Variants in SIAH3 observed in about 807,000 individuals in gnomAD.
SIAH3 encodes seven in absentia homolog 3.
In SIAH3, 9 loss-of-function variants were observed where a neutral mutation model predicts 12.6. That is an observed-to-expected ratio of 0.72 (90% CI 0.43 to 1.25). The LOEUF is 1.25. SIAH3 is among the 50% of genes most tolerant of loss of function. The pLI is 0.00. For synonymous variants in SIAH3, 154 were observed against 151.1 expected (o/e 1.02, Z -0.14); for missense variants, 390 against 365.4 (o/e 1.07, Z -0.55).
chr13:45,793,240 C>T (rs1404364202), intron 1 of SIAH3, among the ~76,000 whole-genome samples: 1 of 152,178 alleles, frequency 6.6e-6, no homozygotes, highest in Non-Finnish European at 1.5e-5. Flanking sequence ...ACTGCAGAAG[C>T]AGAGGTGTTA....
intron 1 of SIAH3, 127 bp from the exon 2 acceptor site, chr13:45,784,184 A>G (rs200755983): frequency 3.8e-5 from 32 of 836,526 alleles, no homozygotes; most frequent in Non-Finnish European, 5.7e-5. Context: ...CATTTCTTAA[A>G]CAACAAACAA....
At chr13:45,846,958 A>G (rs1270222190) in intron 1 of SIAH3, among the ~76,000 whole-genome samples, 1 of 152,238 alleles carries the variant, frequency 6.6e-6, no homozygotes, top group Non-Finnish European at 1.5e-5. Flanking sequence ...GTGGAGTGTC[A>G]TACAATATTC....
intron 1 of SIAH3, among the ~76,000 whole-genome samples, chr13:45,822,336 A>C (rs987169840): frequency 6.6e-6 from 1 of 151,898 alleles, no homozygotes; most frequent in African/African-American, 2.4e-5. Flanking sequence ...GCAATCATTC[A>C]TTATTTTTTC....
At chr13:45,816,588 C>G (rs1950635349) in intron 1 of SIAH3, among the ~76,000 whole-genome samples, 1 of 152,188 alleles carries the variant, frequency 6.6e-6, no homozygotes, top group Admixed American at 6.5e-5. Context: ...TCGGGCGTGC[C>G]CCACAACCAC....
intron 1 of SIAH3, among the ~76,000 whole-genome samples, chr13:45,821,948 C>A (rs1021891071): frequency 1.3e-5 from 2 of 152,144 alleles, no homozygotes; most frequent in African/African-American, 4.8e-5. Flanking sequence ...GCCTGAGTAC[C>A]AGCCAGGAGT....
intron 1 of SIAH3, among the ~76,000 whole-genome samples, chr13:45,847,622 C>CGTGTGTTCGTGTGT (rs1555260273): frequency 8.9e-5 from 13 of 146,836 alleles, no homozygotes; most frequent in Non-Finnish European, 2.0e-4. Flanking sequence ...TCCATGTGTT[C>CGTGTGTTCGTGTGT]GTGTGTGTGT....
At chr13:45,839,781 G>A (rs1233905139) in intron 1 of SIAH3, among the ~76,000 whole-genome samples, 3 of 152,150 alleles carry the variant, frequency 2.0e-5, no homozygotes, top group South Asian at 2.1e-4. Flanking sequence ...GCAGTGAGCT[G>A]AGATCGCACC....
At chr13:45,791,735 T>C (rs1950546298) in intron 1 of SIAH3, among the ~76,000 whole-genome samples, 1 of 152,174 alleles carries the variant, frequency 6.6e-6, no homozygotes, top group Non-Finnish European at 1.5e-5. Context: ...TTTACTGAGA[T>C]TACTTGATGC....
chr13:45,787,647 G>A (rs1015911480), intron 1 of SIAH3, among the ~76,000 whole-genome samples: 2 of 152,230 alleles, frequency 1.3e-5, no homozygotes, highest in South Asian at 4.1e-4. Flanking sequence ...GAAGTGACAA[G>A]AAGTTCCAAG....
chr13:45,831,148 C>T (rs1346897188), intron 1 of SIAH3, among the ~76,000 whole-genome samples: 1 of 151,514 alleles, frequency 6.6e-6, no homozygotes, highest in Admixed American at 6.6e-5. Context: ...CACTGCACTC[C>T]AGCCTGGGTG....
At chr13:45,844,476 A>G (rs112754770) in intron 1 of SIAH3, among the ~76,000 whole-genome samples, 218 of 152,296 alleles carry the variant, frequency 1.4e-3, no homozygotes, top group African/African-American at 4.9e-3. Flanking sequence ...CCCACATTTA[A>G]ATGAGAGTTA....
At chr13:45,787,898 C>A (rs542866677) in intron 1 of SIAH3, among the ~76,000 whole-genome samples, 1 of 152,308 alleles carries the variant, frequency 6.6e-6, no homozygotes, top group South Asian at 2.1e-4. Flanking sequence ...AAGACCCAAC[C>A]CTTGTCCAAC....
intron 1 of SIAH3, among the ~76,000 whole-genome samples, chr13:45,785,268 C>T (rs762664099): frequency 5.9e-5 from 9 of 152,172 alleles, no homozygotes; most frequent in African/African-American, 1.9e-4. Flanking sequence ...AGGCATGAGT[C>T]GCTCACCTTG....
chr13:45,797,610 C>G (rs1950567687), intron 1 of SIAH3, among the ~76,000 whole-genome samples: 1 of 152,174 alleles, frequency 6.6e-6, no homozygotes, highest in Admixed American at 6.5e-5. Context: ...GCAGGGTGCA[C>G]ACAAATCACC....
chr13:45,844,042 G>T (rs927068173), intron 1 of SIAH3, among the ~76,000 whole-genome samples: 1 of 152,162 alleles, frequency 6.6e-6, no homozygotes, highest in East Asian at 1.9e-4. Flanking sequence ...TAGGTTGTGC[G>T]CAGGATATCT....
At chr13:45,825,926 C>G (rs957182777) in intron 1 of SIAH3, among the ~76,000 whole-genome samples, 1 of 152,212 alleles carries the variant, frequency 6.6e-6, no homozygotes, top group Non-Finnish European at 1.5e-5. Flanking sequence ...AAACCCAAGT[C>G]TCTCAGCATT....
At chr13:45,819,844 C>T (rs1320861280) in intron 1 of SIAH3, among the ~76,000 whole-genome samples, 1 of 152,136 alleles carries the variant, frequency 6.6e-6, no homozygotes, top group Non-Finnish European at 1.5e-5. Flanking sequence ...TCTATTTGTG[C>T]TTCTATAACA....
intron 1 of SIAH3, among the ~76,000 whole-genome samples, chr13:45,842,000 G>A (rs1950741857): frequency 6.6e-6 from 1 of 152,226 alleles, no homozygotes; most frequent in African/African-American, 2.4e-5. Flanking sequence ...CTCTGCTGGA[G>A]CCTCATCAGT....
chr13:45,786,978 G>C (rs531161039), intron 1 of SIAH3, among the ~76,000 whole-genome samples: 73 of 152,240 alleles, frequency 4.8e-4, no homozygotes, highest in Admixed American at 1.1e-3. Flanking sequence ...GACCTGTACA[G>C]CTAATGTCAG....
Sources: gnomAD v4.1 joint callset for allele counts (sites outside exome capture counted in the v4.1 genomes callset) on GRCh38, gnomAD v4.1.1 for gene constraint, MANE v1.5 for transcripts, NCBI Gene and HGNC (gene_info 2026-07-23, HGNC 2026-07-21) for gene names.